The following CLCN2 variants were observed in gnomAD, a reference collection of about 807,000 sequenced individuals.
The protein encoded by CLCN2 is chloride channel protein 2.
Under a neutral mutation model 108.3 loss-of-function variants are expected in CLCN2, and 72 were observed. That is an observed-to-expected ratio of 0.66 (90% CI 0.55 to 0.81). The LOEUF (loss-of-function observed/expected upper bound fraction) is 0.81. Ranked by LOEUF, CLCN2 falls within the 30% of genes least tolerant of loss-of-function variation. CLCN2 has a pLI of 0.00. For synonymous variants in CLCN2, 471 were observed against 467.1 expected, an observed-to-expected ratio of 1.01 and a Z score of -0.11; for missense variants, 1,048 against 1,205.2, an observed-to-expected ratio of 0.87 and a Z score of 1.93.
Position 184,356,976 on chromosome 3 carries a change from A to G in CLCN2, c.1085+17T>C, listed in dbSNP as rs1286555516. On this transcript the variant is annotated intron_variant, in intron 10 of 23. Transcript: ENST00000265593. ...TACAACTCAAAGCAGCCTGGAGAGG[A>G]GCCGAGAGCCACTCACTTCCTCATG... The G allele has an allele frequency of 1.3e-6, 2 of 1,588,224 alleles. No homozygotes were observed. The highest frequency in any genetic ancestry group is 2.7e-5 in the African/African-American group (2 of 74,398).
rs1389391986 is a variant in CLCN2, at chr3:184,354,446, G to GA, written c.1507+101dup. ...TGGGATTGGACCTGTGCATCTGAGG[G>GA]AAGCCTGGTTTCTGCCAGCAGGGGG... On this transcript the variant is annotated intron_variant, in intron 14 of 23. Coordinates refer to ENST00000265593, the MANE Select transcript of CLCN2 (RefSeq NM_004366.6). 3.6e-5 allele frequency: 48 copies of GA among 1,322,774 alleles called. No homozygotes were observed. The East Asian group carries it at 1.2e-3, about 32-fold the overall frequency. The allele number at this position is 1,322,774 out of a possible 1,614,324, so 81.9% of individuals were successfully genotyped here.
In CLCN2 at chr3:184,355,257, G is replaced by A. The variant is rs991093866; in HGVS notation, c.1326+117C>T. On this transcript the variant is annotated intron_variant, in intron 12 of 23. Transcript: ENST00000265593. The surrounding 1 kb of genome is among the most constrained non-coding windows in gnomAD (Gnocchi z 6.3). ...ACTCCCCCATCTTTCAAACGGGGGT[G>A]ATAATAGTGCCTTTCCCATGGCACT... is the stretch of plus-strand genomic sequence containing the variant. The A allele has an allele frequency of 2.5e-6, 3 of 1,176,932 alleles. No homozygotes were observed. In the African/African-American group the frequency reaches 4.5e-5, roughly 18 times the overall value. 72.9% of individuals were successfully genotyped at this position (1,176,932 alleles called of 1,614,324 possible).
Position 184,361,462 on chromosome 3 carries a change from C to A in CLCN2, c.18G>T (p.Ala6=), listed in dbSNP as rs746172009. MAAAA[A]EEGMEPRALQ... is the part of the protein sequence containing the mutation. ...GCGCCCGTGGCTCCATCCCTTCCTC[C>A]GCCGCCGCGGCCGCCATCTCCGCGC... Residue 6 remains alanine, a synonymous_variant, in exon 1 of 24, where the codon GCG becomes GCT. Coordinates refer to ENST00000265593, the MANE Select transcript of CLCN2 (RefSeq NM_004366.6). This position sits in a 1 kb window ranked among gnomAD's most constrained non-coding sequence, Gnocchi z 6.6. 2 of 1,612,768 alleles carry A rather than the reference C, an allele frequency of 1.2e-6. No homozygotes were observed. Among genetic ancestry groups the A allele is most frequent in the Admixed American group, 3.3e-5 (2 of 60,022 alleles).
rs746609426 is a variant in CLCN2, at chr3:184,358,802, G to T, written c.232C>A (p.Arg78Ser). The change falls in exon 3 of 24, where the codon CGC becomes AGC. Residue 78 changes from arginine to serine, a missense_variant. Transcript: ENST00000265593. ...RCARCRVCSV[R>S]CHKFLVSRVG... ...CTGGATACTAGGAACTTGTGGCAGC[G>T]GACAGAACAGACTGGGTGCAGGGAA... 3 of 1,613,680 alleles carry T rather than the reference G, an allele frequency of 1.9e-6. No homozygotes were observed. The East Asian group carries it at 6.7e-5, about 36-fold the overall frequency.
rs760164094 is a variant in CLCN2, at chr3:184,359,071, G to A, written c.124C>T (p.Arg42Cys). 15 of 1,613,566 alleles carry A rather than the reference G, an allele frequency of 9.3e-6. No homozygotes were observed. Among genetic ancestry groups the A allele is most frequent in the Admixed American group, 5.0e-5 (3 of 60,014 alleles). Reference protein sequence around the residue: ...AFAKEEAARIRLGGPEPWKGP... With the variant: ...AFAKEEAARICLGGPEPWKGP... ...TTCCAGGGTTCAGGCCCTCCCAGGC[G>A]AATCCGAGCAGCTTCCTCTTTGGCA... The change falls in exon 2 of 24, where the codon CGC becomes TGC. Residue 42 changes from arginine to cysteine, a missense_variant. Coordinates refer to ENST00000265593, the MANE Select transcript of CLCN2 (RefSeq NM_004366.6).
In CLCN2 at chr3:184,353,396, C is replaced by T. The variant is rs758247450; in HGVS notation, c.1882G>A (p.Glu628Lys). The change falls in exon 17 of 24, where the codon GAG becomes AAG. Residue 628 changes from glutamate (E) to lysine (K), a missense_variant. Glu to Lys is a moderately conservative substitution (Grantham distance 56, BLOSUM62 1). Coordinates refer to ENST00000265593, the MANE Select transcript of CLCN2 (RefSeq NM_004366.6). ...PESMILLGSI[E>K]RSQVVALLGA... ...AACAATGCCACCACCTGTGAACGCTCGATGGAGCCCAGCAGAATCATGGAC... is the reference window on the plus strand; with the variant it reads ...AACAATGCCACCACCTGTGAACGCTTGATGGAGCCCAGCAGAATCATGGAC... The T allele has an allele frequency of 3.1e-6, 5 of 1,611,942 alleles. No individual in the cohort carries two copies. The highest frequency in any genetic ancestry group is 1.7e-5 in the Admixed American group (1 of 59,718).
Position 184,358,393 on chromosome 3 carries a change from G to A in CLCN2, c.353-83C>T, listed in dbSNP as rs952097512. On this transcript the variant is annotated intron_variant, in intron 3 of 23. Coordinates refer to ENST00000265593, the MANE Select transcript of CLCN2 (RefSeq NM_004366.6). ...GTGGACCACGCTGATACGACAGGCTGTCCCAGGGAGTACCACACAGAGTCA... is the reference window on the plus strand; with the variant it reads ...GTGGACCACGCTGATACGACAGGCTATCCCAGGGAGTACCACACAGAGTCA... 22 of 1,583,726 alleles carry A rather than the reference G, an allele frequency of 1.4e-5. No homozygotes were observed. The Admixed American group carries it at 3.5e-4, about 25-fold the overall frequency.
At position 184,355,378 on chromosome 3, in the gene CLCN2, A is replaced by G. The variant is rs375523946; in HGVS notation, c.1322T>C (p.Met441Thr). ...GTGTACACGTGAGGAGCCCACCTTC[A>G]TGAGAATGAAGATGACCAGGGTGAG... ...VFLTLVIFIL[M>T]KFWMSALATT... The change falls in exon 12 of 24, where the codon ATG (methionine) becomes ACG (threonine). Residue 441 changes from methionine to threonine, a missense_variant. Met to Thr is a moderately conservative substitution (Grantham distance 81, BLOSUM62 -1). Coordinates refer to ENST00000265593, the MANE Select transcript of CLCN2 (RefSeq NM_004366.6). The surrounding 1 kb of genome is among the most constrained non-coding windows in gnomAD (Gnocchi z 6.3). 2.5e-6 allele frequency: 4 copies of G among 1,613,764 alleles called. No individual in the cohort carries two copies. The highest frequency in any genetic ancestry group is 1.1e-5 in the South Asian group (1 of 91,066).
At chr3:184,358,497 G>C in intron 3 of CLCN2, 185 bp downstream of exon 3, 1 of 1,087,552 alleles carries the variant, frequency 9.2e-7, no homozygotes, top group Non-Finnish European at 1.4e-6. Flanking sequence ...CACTTGGAGA[G>C]GGGATGCAAG....
At position 184,354,670 on chromosome 3, in the gene CLCN2, G is replaced by C. The variant is rs774583846; in HGVS notation, c.1397-12C>G. Reference sequence around the variant, plus strand: ...CCCAAATGCTGCTCCTTCAGGGAGGGGGGTGGGAAGAGAAAGAGGCAGTGG... The same window carrying C: ...CCCAAATGCTGCTCCTTCAGGGAGGCGGGTGGGAAGAGAAAGAGGCAGTGG... On this transcript the variant is annotated splice_polypyrimidine_tract_variant and intron_variant, in intron 13 of 23. Transcript: ENST00000265593. 9.0e-6 allele frequency: 13 copies of C among 1,437,978 alleles called. No homozygotes were observed. Among genetic ancestry groups the C allele is most frequent in the East Asian group, 3.2e-5 (1 of 30,900 alleles). 89.1% of individuals were successfully genotyped at this position (1,437,978 alleles called of 1,614,324 possible). A position where few individuals can be genotyped will look rare whatever the true frequency, so the allele number is the denominator to read the frequency against.
chr3:184,361,294 A>T lies in CLCN2; in HGVS notation c.63+123T>A. 1 of 1,065,922 alleles carries T rather than the reference A, an allele frequency of 9.4e-7. No homozygotes were observed. The highest frequency in any genetic ancestry group is 1.4e-6 in the Non-Finnish European group (1 of 692,660). The allele number at this position is 1,065,922 out of a possible 1,614,324, so 66.0% of individuals were successfully genotyped here. ...CTGCAGCCTCAGACTTCCAAGCCTCAGTTTCCCCAGCTCAAAATGCTAGGA... is the reference window on the plus strand; with the variant it reads ...CTGCAGCCTCAGACTTCCAAGCCTCTGTTTCCCCAGCTCAAAATGCTAGGA... On this transcript the variant is annotated intron_variant, in intron 1 of 23. Coordinates refer to ENST00000265593, the MANE Select transcript of CLCN2 (RefSeq NM_004366.6). The surrounding 1 kb of genome is among the most constrained non-coding windows in gnomAD (Gnocchi z 6.6).
At chr3:184,358,835 A>AGG in intron 2 of CLCN2, 22 bp from the exon 3 acceptor site, 1 of 1,613,998 alleles carries the variant, frequency 6.2e-7, no homozygotes, top group Non-Finnish European at 8.5e-7. Flanking sequence ...GAAGGGAAGA[A>AGG]GGGGGAGGAT....
rs1280512548 is a variant in CLCN2, at chr3:184,357,602, C to T, written c.772+18G>A. The T allele has an allele frequency of 2.5e-6, 4 of 1,613,978 alleles. No homozygotes were observed. The highest frequency in any genetic ancestry group is 3.4e-6 in the Non-Finnish European group (4 of 1,179,990). Reference sequence around the variant, plus strand: ...GGGCAGGGTTGTGGGGCTGGACTGACCTAGGAGCCCTGCCTACCTCCAATA... The same window carrying T: ...GGGCAGGGTTGTGGGGCTGGACTGATCTAGGAGCCCTGCCTACCTCCAATA... On this transcript the variant is annotated intron_variant, in intron 7 of 23. Coordinates refer to ENST00000265593, the MANE Select transcript of CLCN2 (RefSeq NM_004366.6).
Position 184,353,088 on chromosome 3 carries a change from C to G in CLCN2, c.2088G>C (p.Lys696Asn). 1 of 1,614,186 alleles carries G rather than the reference C, an allele frequency of 6.2e-7. No individual in the cohort carries two copies. The highest frequency in any genetic ancestry group is 8.5e-7 in the Non-Finnish European group (1 of 1,180,032). ...AARGETHKPL[K>N]PALKRGPSVT... ...CACTGGGCCCCCTCTTGAGTGCAGGCTTTAGGGGCTTGTGGGTCTCCCCCC... is the reference window on the plus strand; with the variant it reads ...CACTGGGCCCCCTCTTGAGTGCAGGGTTTAGGGGCTTGTGGGTCTCCCCCC... Residue 696 changes from lysine to asparagine, a missense_variant, in exon 18 of 24, where the codon AAG (lysine) becomes AAC (asparagine). Transcript: ENST00000265593.
Position 184,346,492 on chromosome 3 carries a change from G to A in CLCN2, c.*114C>T, listed in dbSNP as rs989960998. 1 of 1,257,976 alleles carries A rather than the reference G, an allele frequency of 7.9e-7. No homozygotes were observed. 77.9% of individuals were successfully genotyped at this position (1,257,976 alleles called of 1,614,324 possible). The stretch of plus-strand genomic sequence containing the variant: ...GCACCCCAGGTCTGGAGGGGGCTGG[G>A]GTGCAGCCTCCAGCTGTAGCTGCCT... On this transcript the variant is annotated 3_prime_UTR_variant, in exon 24 of 24. Transcript: ENST00000265593. This position sits in a 1 kb window ranked among gnomAD's most constrained non-coding sequence, Gnocchi z 6.0.
chr3:184,346,821 G>GA lies in CLCN2; in HGVS notation c.2503-22dup, dbSNP rs768879377. ...CGGAGCTGGAAAGGTGAGAGGGACA[G>GA]ATGTCTGGACCCAGATGTCAGACTC... On this transcript the variant is annotated intron_variant, in intron 23 of 23. Coordinates refer to ENST00000265593, the MANE Select transcript of CLCN2 (RefSeq NM_004366.6). The surrounding 1 kb of genome is among the most constrained non-coding windows in gnomAD (Gnocchi z 6.0). The GA allele has an allele frequency of 6.2e-6, 10 of 1,613,904 alleles. No homozygotes were observed. The Admixed American group carries it at 1.7e-4, about 27-fold the overall frequency.
intron 1 of CLCN2, among the ~76,000 whole-genome samples, chr3:184,360,240 A>G (rs1180447942): frequency 6.6e-6 from 1 of 151,106 alleles, no homozygotes; most frequent in African/African-American, 2.4e-5. Context: ...AAGGGATAGG[A>G]TGGTGAAGGG....
chr3:184,352,029 C>A lies in CLCN2; in HGVS notation c.2399G>T (p.Arg800Leu). 6.2e-7 allele frequency: 1 copy of A among 1,613,398 alleles called. No homozygotes were observed. The highest frequency in any genetic ancestry group is 8.5e-7 in the Non-Finnish European group (1 of 1,179,674). ...TGGCCCTACCTTGTGCAAAGAGGTC[C>A]GCTCCACCAGCTGGAAGGGAGCAGG... ...IDPAPFQLVE[R>L]TSLHKTHTIF... Residue 800 changes from arginine (R) to leucine (L), a missense_variant, in exon 22 of 24, where the codon CGG (arginine) becomes CTG (leucine). Arg to Leu is a moderately radical substitution (Grantham distance 102). Coordinates refer to ENST00000265593, the MANE Select transcript of CLCN2 (RefSeq NM_004366.6).
intron 21 of CLCN2, 26 bp from the exon 22 acceptor site, chr3:184,352,143 A>G (rs755643252): frequency 6.2e-7 from 1 of 1,603,376 alleles, no homozygotes; most frequent in Admixed American, 1.7e-5. Context: ...TATGAGGTTT[A>G]GGGAGAAGGT....
Sources: allele counts gnomAD v4.1 joint callset (sites outside exome capture counted in the v4.1 genomes callset), GRCh38; gene constraint gnomAD v4.1.1; non-coding constraint Gnocchi (gnomAD v3.1); transcripts MANE v1.5; gene names NCBI Gene and HGNC (gene_info 2026-07-23, HGNC 2026-07-21).